Variants in WWOX observed in about 807,000 individuals in gnomAD.
WWOX encodes WW domain containing oxidoreductase.
WWOX carries 69 observed loss-of-function variants against 46.2 expected under a neutral mutation model. The observed-to-expected ratio is 1.49, with a 90% CI of 1.23 to 1.82. WWOX has a LOEUF of 1.82. Among genes scored for constraint, WWOX ranks in the 40% most tolerant of loss-of-function variants. The pLI is 0.00. For synonymous variants in WWOX, 359 were observed against 202.6 expected, an observed-to-expected ratio of 1.77 and a Z score of -6.56; for missense variants, 919 against 542.6, an observed-to-expected ratio of 1.69 and a Z score of -6.89.
chr16:78,833,400 T>G (rs772858944), intron 8 of WWOX, among the ~76,000 whole-genome samples: 1 of 150,000 alleles, frequency 6.7e-6, no homozygotes, highest in Non-Finnish European at 1.5e-5. Context: ...GCTGTTCTCA[T>G]GTTTACTTAA....
intron 8 of WWOX, among the ~76,000 whole-genome samples, chr16:78,711,677 A>G (rs2048447363): frequency 6.6e-6 from 1 of 152,142 alleles, no homozygotes; most frequent in Non-Finnish European, 1.5e-5. Context: ...AAATGAAAGA[A>G]CCTTCCATAA....
chr16:78,198,832 T>C (rs1310222985), intron 5 of WWOX, among the ~76,000 whole-genome samples: 1 of 152,198 alleles, frequency 6.6e-6, no homozygotes, highest in African/African-American at 2.4e-5. Flanking sequence ...ATATATGTAA[T>C]GGTATATATA....
chr16:78,485,313 G>A (rs1319385279), intron 8 of WWOX, among the ~76,000 whole-genome samples: 1 of 152,056 alleles, frequency 6.6e-6, no homozygotes, highest in East Asian at 1.9e-4. Flanking sequence ...CTTTTGGGTG[G>A]TTGATGTTCG....
At chr16:79,127,024 T>C (rs1431483726) in intron 8 of WWOX, among the ~76,000 whole-genome samples, 1 of 152,266 alleles carries the variant, frequency 6.6e-6, no homozygotes, top group Non-Finnish European at 1.5e-5. Context: ...TCTTTAATTT[T>C]ATTTTTTTTT....
chr16:79,164,523 G>A (rs1443328559), intron 8 of WWOX, among the ~76,000 whole-genome samples: 2 of 152,148 alleles, frequency 1.3e-5, no homozygotes, highest in Non-Finnish European at 2.9e-5. Flanking sequence ...CATCAGCGCT[G>A]TTATCAGGAC....
chr16:78,373,469 G>C (rs567207876), intron 5 of WWOX, among the ~76,000 whole-genome samples: 17 of 152,280 alleles, frequency 1.1e-4, no homozygotes, highest in African/African-American at 3.6e-4. Context: ...TCTGCTCAGT[G>C]ACCATTAGTG....
intron 8 of WWOX, among the ~76,000 whole-genome samples, chr16:79,014,184 C>G (rs1234527515): frequency 1.3e-5 from 2 of 152,140 alleles, no homozygotes; most frequent in South Asian, 2.1e-4. Flanking sequence ...TGGATTTTGT[C>G]AAGTTTGAAA....
At chr16:79,152,956 C>T (rs61609226) in intron 8 of WWOX, among the ~76,000 whole-genome samples, 5,059 of 152,066 alleles carry the variant, frequency 0.033, 306 homozygotes, top group African/African-American at 0.12. Context: ...CTGCTCCTAG[C>T]GTGAGAGTGT....
chr16:79,048,563 C>T (rs1331555198), intron 8 of WWOX, among the ~76,000 whole-genome samples: 1 of 152,096 alleles, frequency 6.6e-6, no homozygotes, highest in East Asian at 1.9e-4. Context: ...AAATTATGCA[C>T]AGTGGGCCAT....
chr16:78,976,413 A>C lies in WWOX; in HGVS notation c.1057-235195A>C, dbSNP rs138110805. 3.1e-3 allele frequency among the ~76,000 whole-genome samples: 477 copies of C among 152,304 alleles called. 2 individuals are homozygous for C. Among genetic ancestry groups the C allele is most frequent in the African/African-American group, 0.011 (453 of 41,580 alleles). On this transcript the variant is annotated intron_variant, in intron 8 of 8. Coordinates refer to ENST00000566780, the MANE Select transcript of WWOX (RefSeq NM_016373.4). ...GTGGTCAGAGTCTCAGATTCGGAGC[A>C]TGTGATGTGCGTGGGCCTGTGACTA...
Position 78,943,305 on chromosome 16 carries a change from A to C in WWOX, c.1057-268303A>C, listed in dbSNP as rs528613723. Among the ~76,000 whole-genome samples, 4 of 147,454 alleles carry C rather than the reference A, an allele frequency of 2.7e-5. No individual in the cohort carries two copies. The East Asian group carries it at 7.7e-4, about 29-fold the overall frequency. On this transcript the variant is annotated intron_variant, in intron 8 of 8. Transcript: ENST00000566780. ...TGGATAAGGAGAATGAGGTACGCTAAACGAGTAAAAAGCAACCCGAGATCC... is the reference window on the plus strand; with the variant it reads ...TGGATAAGGAGAATGAGGTACGCTACACGAGTAAAAAGCAACCCGAGATCC...
intron 8 of WWOX, among the ~76,000 whole-genome samples, chr16:78,946,674 A>T (rs2045954719): frequency 6.6e-6 from 1 of 152,084 alleles, no homozygotes. Flanking sequence ...CTCTGCAGAC[A>T]TGTTGCAGGC....
intron 8 of WWOX, among the ~76,000 whole-genome samples, chr16:78,727,956 A>G (rs2048874854): frequency 6.6e-6 from 1 of 152,110 alleles, no homozygotes; most frequent in African/African-American, 2.4e-5. Flanking sequence ...AGAAATTAAA[A>G]TAGAAATAGT....
chr16:78,357,907 T>G (rs8054901), intron 5 of WWOX, among the ~76,000 whole-genome samples: 1 of 152,172 alleles, frequency 6.6e-6, no homozygotes, highest in Non-Finnish European at 1.5e-5. Context: ...GTGCCTGTTT[T>G]CTTGCCTAAG....
At chr16:79,098,136 C>G (rs1033637587) in intron 8 of WWOX, among the ~76,000 whole-genome samples, 3 of 152,198 alleles carry the variant, frequency 2.0e-5, no homozygotes, top group African/African-American at 4.8e-5. Context: ...AATTTCAAAC[C>G]TGTCTGCTCA....
chr16:78,852,420 C>T (rs975919813), intron 8 of WWOX, among the ~76,000 whole-genome samples: 1 of 152,202 alleles, frequency 6.6e-6, no homozygotes, highest in African/African-American at 2.4e-5. Flanking sequence ...GATACTCAAA[C>T]AGCACCATGG....
chr16:78,848,692 G>C (rs1380612198), intron 8 of WWOX, among the ~76,000 whole-genome samples: 1 of 152,134 alleles, frequency 6.6e-6, no homozygotes, highest in South Asian at 2.1e-4. Flanking sequence ...GCAAAGCCTA[G>C]ATCAGTCTGC....
rs191219721 is a variant in WWOX, at chr16:78,512,968, G to C, written c.1056+80216G>C. 1.2e-3 allele frequency among the ~76,000 whole-genome samples: 181 copies of C among 152,252 alleles called. 1 individual carries two copies. The highest frequency in any genetic ancestry group is 2.3e-3 in the Admixed American group (35 of 15,284). On this transcript the variant is annotated intron_variant, in intron 8 of 8. Transcript: ENST00000566780. ...TGAAAAGAGCCCTGCATATGCTGTG[G>C]GTCATCACAGCTGCTGCTTTGCACA...
At chr16:79,017,906 A>C (rs1394323979) in intron 8 of WWOX, among the ~76,000 whole-genome samples, 1 of 152,212 alleles carries the variant, frequency 6.6e-6, no homozygotes, top group Non-Finnish European at 1.5e-5. Flanking sequence ...GATCCTTAAT[A>C]TACAATGAAG....
Sources: gnomAD v4.1 joint callset for allele counts (sites outside exome capture counted in the v4.1 genomes callset) on GRCh38, gnomAD v4.1.1 for gene constraint, MANE v1.5 for transcripts, NCBI Gene and HGNC (gene_info 2026-07-23, HGNC 2026-07-21) for gene names.